The following PTPRT variants were observed in gnomAD, a reference collection of about 807,000 sequenced individuals.
The protein encoded by PTPRT is protein tyrosine phosphatase receptor type T, also known as receptor-type tyrosine-protein phosphatase T.
PTPRT carries 56 observed loss-of-function variants against 176.8 expected under a neutral mutation model. The observed-to-expected ratio is 0.32, with a 90% confidence interval of 0.26 to 0.40. PTPRT has a LOEUF of 0.40. PTPRT is among the 10% of genes least tolerant of loss of function. The pLI is 1.00. For synonymous variants in PTPRT, 783 were observed against 739.0 expected (o/e 1.06, Z -0.96); for missense variants, 1,540 against 1,908.2 (o/e 0.81, Z 3.60).
At chr20:42,261,393 A>C (rs2056746645) in intron 13 of PTPRT, among the ~76,000 whole-genome samples, 1 of 152,154 alleles carries the variant, frequency 6.6e-6, no homozygotes, top group South Asian at 2.1e-4. Flanking sequence ...TTACATTTGC[A>C]AAGATACTGT....
intron 7 of PTPRT, among the ~76,000 whole-genome samples, chr20:42,642,493 T>G (rs2145935478): frequency 6.6e-6 from 1 of 152,202 alleles, no homozygotes; most frequent in East Asian, 1.9e-4. Flanking sequence ...ATGATAATAA[T>G]GTGAATAATA....
At chr20:42,645,504 A>G (rs2074871851) in intron 7 of PTPRT, among the ~76,000 whole-genome samples, 1 of 152,064 alleles carries the variant, frequency 6.6e-6, no homozygotes, top group South Asian at 2.1e-4. Flanking sequence ...TTCAGGGATC[A>G]CCTCCGAAGG....
At chr20:42,209,785 T>C (rs1050893574) in intron 15 of PTPRT, among the ~76,000 whole-genome samples, 9 of 152,200 alleles carry the variant, frequency 5.9e-5, no homozygotes, top group Non-Finnish European at 8.8e-5. Context: ...GAATCCTCCA[T>C]AACTCATTTT....
intron 6 of PTPRT, among the ~76,000 whole-genome samples, chr20:42,750,431 G>C (rs1435202986): frequency 6.6e-6 from 1 of 152,032 alleles, no homozygotes; most frequent in Non-Finnish European, 1.5e-5. Flanking sequence ...TAAGGAAAAT[G>C]ACGCCCAGAG....
At chr20:42,358,530 T>G (rs147155716) in intron 9 of PTPRT, among the ~76,000 whole-genome samples, 1 of 152,110 alleles carries the variant, frequency 6.6e-6, no homozygotes, top group Non-Finnish European at 1.5e-5. Flanking sequence ...ACAGATTGAG[T>G]CTCTGGGGCC....
chr20:42,757,186 GCTC>G (rs1302032207), intron 5 of PTPRT, among the ~76,000 whole-genome samples: 1 of 152,120 alleles, frequency 6.6e-6, no homozygotes, highest in Non-Finnish European at 1.5e-5. Context: ...GAGGAAAAAG[GCTC>G]CTTCTAAACA....
intron 12 of PTPRT, among the ~76,000 whole-genome samples, chr20:42,295,749 T>A (rs1474339036): frequency 6.6e-6 from 1 of 152,206 alleles, no homozygotes; most frequent in Non-Finnish European, 1.5e-5. Flanking sequence ...CCAAATCTCA[T>A]CTTGAATTGT....
intron 11 of PTPRT, among the ~76,000 whole-genome samples, chr20:42,347,543 C>T (rs1471279110): frequency 6.6e-6 from 1 of 152,150 alleles, no homozygotes; most frequent in East Asian, 1.9e-4. Context: ...ACCAGATGCA[C>T]CAGGCATGAC....
chr20:42,240,650 C>G (rs1181331316), intron 14 of PTPRT, among the ~76,000 whole-genome samples: 3 of 152,148 alleles, frequency 2.0e-5, no homozygotes, highest in Admixed American at 6.5e-5. Context: ...GTTCAGCCAT[C>G]TATCCATCCA....
At chr20:42,137,012 G>T (rs1988410958) in intron 18 of PTPRT, among the ~76,000 whole-genome samples, 1 of 152,186 alleles carries the variant, frequency 6.6e-6, no homozygotes, top group African/African-American at 2.4e-5. Context: ...TAATATTCTG[G>T]CTCTTTGGGC....
rs1195402532 is a variant in PTPRT at position 43,019,887 on chromosome 20, TC to T, written c.89-133956del. Among the ~76,000 whole-genome samples, 7 of 152,058 alleles carry T rather than the reference TC, an allele frequency of 4.6e-5. No individual in the cohort carries two copies. In the East Asian group the frequency reaches 1.4e-3, roughly 30 times the overall value. The stretch of plus-strand genomic sequence containing the variant: ...TCTAGCCTTTGGACTCTAGGATCAC[TC>T]CAGCAACCCTCTGGGCTCTCAAAAC... On this transcript the variant is annotated intron_variant, in intron 1 of 30. Coordinates refer to ENST00000373187, the MANE Select transcript of PTPRT (RefSeq NM_007050.6).
chr20:42,415,089 A>G (rs1003732894), intron 9 of PTPRT, among the ~76,000 whole-genome samples: 1 of 152,226 alleles, frequency 6.6e-6, no homozygotes, highest in Non-Finnish European at 1.5e-5. Context: ...AAAAGGCAGC[A>G]GTAGAGCCTA....
intron 1 of PTPRT, among the ~76,000 whole-genome samples, chr20:42,938,300 AC>A (rs1980323654): frequency 6.6e-6 from 1 of 152,182 alleles, no homozygotes; most frequent in South Asian, 2.1e-4. Flanking sequence ...AAAATCAGAT[AC>A]CCAGGAAGGA....
chr20:42,309,948 T>C (rs2057601712), intron 12 of PTPRT, among the ~76,000 whole-genome samples: 1 of 152,096 alleles, frequency 6.6e-6, no homozygotes, highest in Non-Finnish European at 1.5e-5. Context: ...GGTTAACATA[T>C]GAGTGAGTGC....
chr20:42,227,344 C>G (rs1293380280), intron 15 of PTPRT, among the ~76,000 whole-genome samples: 1 of 152,056 alleles, frequency 6.6e-6, no homozygotes, highest in Non-Finnish European at 1.5e-5. Flanking sequence ...CTGTGTCAAC[C>G]AGTGAGTAGA....
At chr20:42,883,962 T>TACAC (rs552445389) in intron 2 of PTPRT, among the ~76,000 whole-genome samples, 4 of 149,540 alleles carry the variant, frequency 2.7e-5, no homozygotes, top group South Asian at 2.1e-4. Flanking sequence ...TACACCCCCA[T>TACAC]ACACACACAC....
the PTPRT span, among the ~76,000 whole-genome samples, chr20:42,057,779 A>G: frequency 4.4e-3 from 662 of 152,030 alleles, 7 homozygotes; most frequent in Non-Finnish European, 5.0e-3. Flanking sequence ...GGGTCTTGCT[A>G]TGTTGCCCAG....
intron 7 of PTPRT, among the ~76,000 whole-genome samples, chr20:42,646,956 G>A (rs560185470): frequency 7.2e-6 from 1 of 139,200 alleles, no homozygotes; most frequent in South Asian, 2.3e-4. Flanking sequence ...GTGCAGTGGC[G>A]TGAACGTGGT....
intron 1 of PTPRT, among the ~76,000 whole-genome samples, chr20:42,905,892 G>A (rs1423972183): frequency 7.1e-5 from 8 of 112,912 alleles, no homozygotes; most frequent in African/African-American, 2.7e-4. Context: ...ACAGAGCAGG[G>A]AACATCACAC....
Sources: allele counts gnomAD v4.1 joint callset (sites outside exome capture counted in the v4.1 genomes callset), GRCh38; gene constraint gnomAD v4.1.1; transcripts MANE v1.5; gene names NCBI Gene and HGNC (gene_info 2026-07-23, HGNC 2026-07-21).